SLC25A12: variants seen among roughly 807,000 people sequenced by gnomAD.
SLC25A12 encodes electrogenic aspartate/glutamate antiporter SLC25A12, mitochondrial.
Under a neutral mutation model 83.3 loss-of-function variants are expected in SLC25A12, and 32 were observed. That is an observed-to-expected ratio of 0.38 (90% CI 0.29 to 0.52). The LOEUF (loss-of-function observed/expected upper bound fraction) is 0.52, where lower values mean the gene tolerates loss of function less well. SLC25A12 is among the 20% of genes least tolerant of loss of function. SLC25A12 has a pLI of 0.84. For missense variants in SLC25A12, 611 were observed against 835.6 expected, an observed-to-expected ratio of 0.73 and a Z score of 3.31; for synonymous variants, 267 against 291.1, an observed-to-expected ratio of 0.92 and a Z score of 0.84.
At chr2:171,834,115 C>T (rs1254900604) in intron 7 of SLC25A12, 59 bp from the exon 8 acceptor site, 1 of 930,474 alleles carries the variant, frequency 1.1e-6, no homozygotes, top group East Asian at 2.4e-5. Context: ...TAACAAAGTT[C>T]TACCTTCACC....
At chr2:171,852,724 T>C (rs1327171747) in intron 4 of SLC25A12, 1 of 453,386 alleles carries the variant, frequency 2.2e-6, no homozygotes. Context: ...TACTTCCTTA[T>C]GCATAAATTC....
Position 171,785,262 on chromosome 2 carries a change from A to G in SLC25A12, c.*12T>C. On this transcript the variant is annotated 3_prime_UTR_variant, in exon 18 of 18. Coordinates refer to ENST00000422440, the MANE Select transcript of SLC25A12 (RefSeq NM_003705.5). ...TCAAGGCGCCATTTTGCCACACTCA[A>G]CAGTTGTCTCATCACTGAGTGGCTG... 6.2e-7 allele frequency: 1 copy of G among 1,613,836 alleles called. No homozygotes were observed. The highest frequency in any genetic ancestry group is 8.5e-7 in the Non-Finnish European group (1 of 1,179,856).
At position 171,837,260 on chromosome 2, in the gene SLC25A12, T is replaced by C. The variant is rs763968523; in HGVS notation, c.473A>G (p.Gln158Arg). ...TEFTQFLQEL[Q>R]LEHARQAFAL... ...AAAGGCTTGTCTTGCATGTTCCAAT[T>C]GCAGCTCCTGTGAGGAAATTAGAAA... is the stretch of plus-strand genomic sequence containing the variant. The change falls in exon 6 of 18, where the codon CAA becomes CGA. Residue 158 changes from glutamine to arginine, a missense_variant. Coordinates refer to ENST00000422440, the MANE Select transcript of SLC25A12 (RefSeq NM_003705.5). 19 of 1,614,076 alleles carry C rather than the reference T, an allele frequency of 1.2e-5. No individual in the cohort carries two copies. Among genetic ancestry groups the C allele is most frequent in the Non-Finnish European group, 1.6e-5 (19 of 1,179,962 alleles).
intron 4 of SLC25A12, among the ~76,000 whole-genome samples, chr2:171,854,877 G>A (rs1183234041): frequency 6.6e-6 from 1 of 152,174 alleles, no homozygotes; most frequent in Admixed American, 6.5e-5. Context: ...ATTTTCAAGG[G>A]TGTTTCTACA....
At chr2:171,876,928 C>G (rs572636829) in intron 2 of SLC25A12, among the ~76,000 whole-genome samples, 1 of 152,296 alleles carries the variant, frequency 6.6e-6, no homozygotes, top group South Asian at 2.1e-4. Context: ...AAGTAGCTGA[C>G]AGTATCTGAA....
At chr2:171,894,178 A>G (rs1367805285) in intron 1 of SLC25A12, 25 bp downstream of exon 1, 4 of 1,605,850 alleles carry the variant, frequency 2.5e-6, no homozygotes, top group Middle Eastern at 3.3e-4. Context: ...ATGCAATAAA[A>G]GCAGCAGCAG....
intron 13 of SLC25A12, among the ~76,000 whole-genome samples, chr2:171,803,426 A>G (rs1015282287): frequency 1.3e-5 from 2 of 152,226 alleles, no homozygotes; most frequent in African/African-American, 4.8e-5. Flanking sequence ...TAGAATATAC[A>G]AAGAACTCTG....
At chr2:171,823,429 C>T (rs1684233742) in intron 9 of SLC25A12, among the ~76,000 whole-genome samples, 1 of 152,150 alleles carries the variant, frequency 6.6e-6, no homozygotes, top group African/African-American at 2.4e-5. Flanking sequence ...ATCTCAAGGA[C>T]AGTAAAGATC....
chr2:171,797,144 AT>A (rs1216167462), intron 13 of SLC25A12, among the ~76,000 whole-genome samples: 50 of 152,312 alleles, frequency 3.3e-4, no homozygotes, highest in African/African-American at 1.1e-3. Flanking sequence ...ATAATCTTTA[AT>A]ATAGAGAATT....
chr2:171,843,599 T>C (rs1684727911), intron 5 of SLC25A12, among the ~76,000 whole-genome samples: 1 of 151,882 alleles, frequency 6.6e-6, no homozygotes, highest in South Asian at 2.1e-4. Flanking sequence ...ACCACTGCAC[T>C]CCAGCCTGAG....
chr2:171,872,739 A>G (rs1685480587), intron 2 of SLC25A12, among the ~76,000 whole-genome samples: 1 of 152,244 alleles, frequency 6.6e-6, no homozygotes, highest in South Asian at 2.1e-4. Context: ...AATGGACCTT[A>G]AAAGTTAAAT....
In SLC25A12 at chr2:171,877,321, T is replaced by C. The variant is rs547279877; in HGVS notation, c.67-8498A>G. Among the ~76,000 whole-genome samples the C allele has an allele frequency of 9.2e-5, 14 of 152,292 alleles. No individual in the cohort carries two copies. The South Asian group carries it at 2.3e-3, about 25-fold the overall frequency. On this transcript the variant is annotated intron_variant, in intron 2 of 17. Coordinates refer to ENST00000422440, the MANE Select transcript of SLC25A12 (RefSeq NM_003705.5). ...CTTCAACTGACTGGAATAAACTGGA[T>C]AGCAATAACTCCTTTGCAATTTACC...
intron 9 of SLC25A12, among the ~76,000 whole-genome samples, chr2:171,820,737 A>G (rs1351645303): frequency 6.6e-6 from 1 of 151,344 alleles, no homozygotes; most frequent in Non-Finnish European, 1.5e-5. Context: ...CAAAAAAAAA[A>G]AAAAAAAGAA....
intron 8 of SLC25A12, among the ~76,000 whole-genome samples, chr2:171,832,511 T>G (rs1684462979): frequency 6.6e-6 from 1 of 152,218 alleles, no homozygotes; most frequent in Admixed American, 6.5e-5. Flanking sequence ...CCAACTGGAT[T>G]GGAAGCTGTA....
intron 2 of SLC25A12, chr2:171,871,674 C>T (rs981481258): frequency 1.0e-6 from 1 of 969,718 alleles, no homozygotes; most frequent in African/African-American, 1.8e-5. Context: ...CAAGTTAGTT[C>T]CTCTCTCCTC....
chr2:171,833,038 T>C (rs1230773904), intron 8 of SLC25A12, among the ~76,000 whole-genome samples: 3 of 152,186 alleles, frequency 2.0e-5, no homozygotes, highest in African/African-American at 4.8e-5. Context: ...TTAATAATTA[T>C]ACTTGCATTG....
chr2:171,868,887 T>C (rs1685402098), intron 2 of SLC25A12, 64 bp from the exon 3 acceptor site: 5 of 1,391,078 alleles, frequency 3.6e-6, no homozygotes, highest in Non-Finnish European at 5.0e-6. Context: ...ATCCAATAAA[T>C]GGTTTGTGAA....
At chr2:171,883,218 A>T (rs556423800) in intron 2 of SLC25A12, among the ~76,000 whole-genome samples, 8 of 152,260 alleles carry the variant, frequency 5.3e-5, no homozygotes, top group Non-Finnish European at 1.2e-4. Flanking sequence ...TTAGAAGAGA[A>T]GGAAAGAGAC....
At chr2:171,793,458 G>C (rs1683531287) in intron 14 of SLC25A12, among the ~76,000 whole-genome samples, 169 bp downstream of exon 14, 1 of 152,132 alleles carries the variant, frequency 6.6e-6, no homozygotes, top group Non-Finnish European at 1.5e-5. Context: ...GGCTGCATGT[G>C]TATCCCACTG....
Sources: allele counts gnomAD v4.1 joint callset (sites outside exome capture counted in the v4.1 genomes callset), GRCh38; gene constraint gnomAD v4.1.1; transcripts MANE v1.5; gene names NCBI Gene and HGNC (gene_info 2026-07-23, HGNC 2026-07-21).